Variants in NAALADL2 observed in about 807,000 individuals in gnomAD.
NAALADL2 encodes the protein inactive N-acetylated-alpha-linked acidic dipeptidase-like protein 2.
Under a neutral mutation model 87.2 loss-of-function variants are expected in NAALADL2, and 76 were observed. The observed-to-expected ratio is 0.87, with a 90% CI of 0.72 to 1.05. The LOEUF (loss-of-function observed/expected upper bound fraction) is 1.05, where lower values mean the gene tolerates loss of function less well. Ranked by LOEUF, NAALADL2 falls within the 50% of genes least tolerant of loss-of-function variation. NAALADL2 has a pLI of 0.00. For synonymous variants in NAALADL2, 354 were observed against 331.0 expected, an observed-to-expected ratio of 1.07 and a Z score of -0.75; for missense variants, 1,089 against 945.8, an observed-to-expected ratio of 1.15 and a Z score of -1.99.
intron 11 of NAALADL2, among the ~76,000 whole-genome samples, chr3:175,681,354 T>C (rs1735570974): frequency 6.6e-6 from 1 of 152,166 alleles, no homozygotes; most frequent in South Asian, 2.1e-4. Flanking sequence ...ATATGCTCAA[T>C]GGCTCAGAAA....
At chr3:175,304,310 A>G (rs1351210654) in intron 4 of NAALADL2, among the ~76,000 whole-genome samples, 2 of 152,122 alleles carry the variant, frequency 1.3e-5, no homozygotes, top group Admixed American at 1.3e-4. Context: ...AACTCTCCAG[A>G]TATGGAACAT....
intron 1 of NAALADL2, among the ~76,000 whole-genome samples, chr3:175,036,380 G>A (rs970406306): frequency 2.6e-5 from 4 of 151,578 alleles, no homozygotes; most frequent in Admixed American, 2.0e-4. Context: ...TCAGGATCAC[G>A]TAGAACACAA....
intron 4 of NAALADL2, among the ~76,000 whole-genome samples, chr3:175,322,263 G>C (rs1230303588): frequency 6.7e-6 from 1 of 148,584 alleles, no homozygotes; most frequent in Non-Finnish European, 1.5e-5. Context: ...AATAAATGGT[G>C]CTGGGAAAAC....
At chr3:174,472,025 T>A (rs936074213) in intron 1 of NAALADL2, among the ~76,000 whole-genome samples, 1 of 152,178 alleles carries the variant, frequency 6.6e-6, no homozygotes, top group Non-Finnish European at 1.5e-5. Flanking sequence ...GGAAATTACA[T>A]GACTGTCTCC....
chr3:175,557,265 T>C (rs181831113), intron 9 of NAALADL2, among the ~76,000 whole-genome samples: 42 of 152,324 alleles, frequency 2.8e-4, no homozygotes, highest in Admixed American at 2.4e-3. Flanking sequence ...TTTTTAATTT[T>C]TGTGGGTACA....
intron 2 of NAALADL2, among the ~76,000 whole-genome samples, chr3:174,648,223 T>G (rs1723995933): frequency 6.6e-6 from 1 of 152,040 alleles, no homozygotes; most frequent in Admixed American, 6.6e-5. Context: ...CTTGGGAGGC[T>G]GAGACAAGAG....
chr3:175,330,144 G>A (rs1043689667), intron 5 of NAALADL2, among the ~76,000 whole-genome samples: 28 of 151,970 alleles, frequency 1.8e-4, no homozygotes, highest in Admixed American at 5.9e-4. Flanking sequence ...TGAATTCTGA[G>A]GATGATAAAA....
chr3:174,835,460 A>G (rs1723217470), intron 3 of NAALADL2, among the ~76,000 whole-genome samples: 1 of 152,142 alleles, frequency 6.6e-6, no homozygotes, highest in Admixed American at 6.5e-5. Flanking sequence ...GATTTTTTGC[A>G]TATGACACCA....
intron 1 of NAALADL2, among the ~76,000 whole-genome samples, chr3:175,031,496 C>T (rs1486156695): frequency 6.6e-6 from 1 of 152,100 alleles, no homozygotes; most frequent in African/African-American, 2.4e-5. Flanking sequence ...ATGTGTACCA[C>T]ATTTTCTTTA....
rs557227290 is a variant in NAALADL2, at chr3:175,738,994, C to G, written c.1990+1595C>G. On this transcript the variant is annotated intron_variant, in intron 12 of 13. Coordinates refer to ENST00000454872, the MANE Select transcript of NAALADL2 (RefSeq NM_207015.3). ...GTTTCTTTAGTTTTTATATTTTATA[C>G]TTCAGAAAATTCTATTGGTATTCCA... Among the ~76,000 whole-genome samples, 7 of 151,978 alleles carry G rather than the reference C, an allele frequency of 4.6e-5. No individual in the cohort carries two copies. In the East Asian group the frequency reaches 1.2e-3, roughly 25 times the overall value.
intron 2 of NAALADL2, among the ~76,000 whole-genome samples, chr3:174,619,434 AGT>A: frequency 6.6e-6 from 1 of 152,024 alleles, no homozygotes; most frequent in South Asian, 2.1e-4. Flanking sequence ...ATCTCCCTAG[AGT>A]GTGTGCTTTA....
intron 3 of NAALADL2, among the ~76,000 whole-genome samples, chr3:174,768,864 A>G (rs1224587867): frequency 6.6e-6 from 1 of 151,906 alleles, no homozygotes; most frequent in Admixed American, 6.6e-5. Flanking sequence ...TTGATTTTTA[A>G]TTTTGCCACT....
intron 1 of NAALADL2, among the ~76,000 whole-genome samples, chr3:175,020,802 T>C (rs566210196): frequency 1.3e-5 from 2 of 152,140 alleles, no homozygotes; most frequent in African/African-American, 4.8e-5. Flanking sequence ...TTTACCGTAC[T>C]GGGCCCTGGT....
In NAALADL2 at chr3:175,256,426, G is replaced by A. The variant is rs1749955267; in HGVS notation, c.835G>A (p.Val279Met). The change falls in exon 4 of 14, where the codon GTG becomes ATG. Residue 279 changes from valine to methionine, a missense_variant. By Grantham distance (21) the Val-to-Met change is conservative. Coordinates refer to ENST00000454872, the MANE Select transcript of NAALADL2 (RefSeq NM_207015.3). ...KGTLKAEVID[V>M]SYGMADDLKR... ...CCTCTTTCAGGCTGAAGTCATCGAT[G>A]TGAGTTATGGAATGGCAGATGATTT... The A allele has an allele frequency of 3.1e-6, 5 of 1,610,266 alleles. No individual in the cohort carries two copies. Among genetic ancestry groups the A allele is most frequent in the Non-Finnish European group, 4.2e-6 (5 of 1,178,238 alleles).
At chr3:174,836,547 A>T (rs1416822648) in intron 3 of NAALADL2, among the ~76,000 whole-genome samples, 2 of 152,048 alleles carry the variant, frequency 1.3e-5, no homozygotes, top group East Asian at 3.9e-4. Flanking sequence ...TAAAAATACA[A>T]CAACAAAGAA....
chr3:175,218,352 T>C (rs1193068022), intron 2 of NAALADL2, among the ~76,000 whole-genome samples: 1 of 152,198 alleles, frequency 6.6e-6, no homozygotes, highest in African/African-American at 2.4e-5. Context: ...GTCCATCACA[T>C]TATGAAAAAT....
intron 2 of NAALADL2, among the ~76,000 whole-genome samples, chr3:175,205,525 T>C (rs10936826): frequency 0.67 from 101,150 of 152,100 alleles, 34,035 homozygotes; most frequent in Admixed American, 0.75. Flanking sequence ...CCTTTCTAGA[T>C]ATTGGCTTAG....
At chr3:174,794,694 C>T (rs980822725) in intron 3 of NAALADL2, among the ~76,000 whole-genome samples, 3 of 152,038 alleles carry the variant, frequency 2.0e-5, no homozygotes, top group African/African-American at 4.8e-5. Context: ...AAACATGTTA[C>T]TTTTCATTAT....
Position 175,609,552 on chromosome 3 carries a change from T to C in NAALADL2, c.1801-17739T>C, listed in dbSNP as rs149326665. On this transcript the variant is annotated intron_variant, in intron 10 of 13. Transcript: ENST00000454872. ...CGATTATTGCTAATTGAAAACTAAA[T>C]CTTTGTAGTTTACTTACATAGGCAT... 2.2e-4 allele frequency: 34 copies of C among 152,226 alleles called. 1 individual carries two copies. Among genetic ancestry groups the C allele is most frequent in the African/African-American group, 8.2e-4 (34 of 41,550 alleles). 9.4% of individuals were successfully genotyped at this position (152,226 alleles called of 1,614,324 possible). A position where few individuals can be genotyped will look rare whatever the true frequency, so the allele number is the denominator to read the frequency against.
Sources: allele counts gnomAD v4.1 joint callset (sites outside exome capture counted in the v4.1 genomes callset), GRCh38; gene constraint gnomAD v4.1.1; transcripts MANE v1.5; gene names NCBI Gene and HGNC (gene_info 2026-07-23, HGNC 2026-07-21).